IL1RAP: variants seen among roughly 807,000 people sequenced by gnomAD.
IL1RAP encodes interleukin-1 receptor accessory protein.
A neutral mutation model predicts 60.7 loss-of-function variants in IL1RAP; 35 were observed. The ratio of observed to expected loss-of-function variants is 0.58; its 90% confidence interval spans 0.44 to 0.76. The LOEUF (loss-of-function observed/expected upper bound fraction) is 0.76. Among genes scored for constraint, IL1RAP ranks in the 30% least tolerant of loss-of-function variants. The pLI, the probability that IL1RAP is intolerant of heterozygous loss-of-function variation, is 0.00. For synonymous variants in IL1RAP, 268 were observed against 250.9 expected, an observed-to-expected ratio of 1.07 and a Z score of -0.64; for missense variants, 572 against 693.9, an observed-to-expected ratio of 0.82 and a Z score of 1.97.
chr3:190,547,956 T>C (rs1242618502), intron 1 of IL1RAP, among the ~76,000 whole-genome samples: 1 of 152,112 alleles, frequency 6.6e-6, no homozygotes, highest in Admixed American at 6.6e-5. Flanking sequence ...CTCCGAGGCT[T>C]CTGGGCACCT....
intron 1 of IL1RAP, among the ~76,000 whole-genome samples, chr3:190,549,768 C>A (rs372032592): frequency 1.3e-5 from 2 of 152,242 alleles, no homozygotes; most frequent in East Asian, 3.9e-4. Flanking sequence ...CAGTTTGGAG[C>A]CTGCATCCAA....
At chr3:190,655,973 G>A (rs1186658580), downstream of IL1RAP, 4 of 1,537,106 alleles carry the variant, frequency 2.6e-6, no homozygotes, top group South Asian at 4.8e-5. Context: ...ACAGAAAAGA[G>A]CATCAGCATG....
intron 1 of IL1RAP, among the ~76,000 whole-genome samples, chr3:190,529,098 G>A (rs139326147): frequency 2.1e-3 from 315 of 152,308 alleles, no homozygotes; most frequent in African/African-American, 6.9e-3. Flanking sequence ...TGGATGTGAC[G>A]TGGAAAAGGA....
chr3:190,578,639 T>A (rs912627415), intron 3 of IL1RAP, among the ~76,000 whole-genome samples: 1 of 152,230 alleles, frequency 6.6e-6, no homozygotes, highest in Non-Finnish European at 1.5e-5. Flanking sequence ...AGTCTACTAA[T>A]ATTGGATACT....
In IL1RAP at chr3:190,649,931, A is replaced by G; in HGVS notation, c.*1226A>G. The G allele has an allele frequency of 1.1e-6, 1 of 902,944 alleles. No homozygotes were observed. The highest frequency in any genetic ancestry group is 1.3e-6 in the Non-Finnish European group (1 of 754,922). The allele number at this position is 902,944 out of a possible 1,614,324, so 55.9% of individuals were successfully genotyped here. A position where few individuals can be genotyped will look rare whatever the true frequency, so the allele number is the denominator to read the frequency against. ...TGGTAAATATCTATGTTACATGTAG[A>G]TTATACATATATATACACACGTGTA... On this transcript the variant is annotated 3_prime_UTR_variant, in exon 12 of 12. Coordinates refer to ENST00000447382, the MANE Select transcript of IL1RAP (RefSeq NM_002182.4).
intron 3 of IL1RAP, 91 bp from the exon 4 acceptor site, chr3:190,604,037 A>G: frequency 7.8e-7 from 1 of 1,286,404 alleles, no homozygotes; most frequent in Non-Finnish European, 1.1e-6. Context: ...TCTGGAAAAG[A>G]CCGGGTGAAC....
rs537725711 is a variant in IL1RAP at position 190,628,474 on chromosome 3, T to A, written c.903-876T>A. Reference sequence around the variant, plus strand: ...ATCAGAGCCCTTAACCAAATTCTCATACCTGACAGTAAGCCTAGTTAAAAA... The same window carrying A: ...ATCAGAGCCCTTAACCAAATTCTCAAACCTGACAGTAAGCCTAGTTAAAAA... On this transcript the variant is annotated intron_variant, in intron 8 of 11. Transcript: ENST00000447382. Among the ~76,000 whole-genome samples the A allele has an allele frequency of 2.0e-5, 3 of 152,282 alleles. No individual in the cohort carries two copies. In the East Asian group the frequency reaches 5.8e-4, roughly 29 times the overall value.
chr3:190,522,436 T>C (rs13088290), intron 1 of IL1RAP, among the ~76,000 whole-genome samples: 42,792 of 147,426 alleles, frequency 0.29, 7,578 homozygotes, highest in Non-Finnish European at 0.39. Flanking sequence ...TCTATCTATC[T>C]ATCTATCTAT....
chr3:190,536,863 A>G (rs958355244), intron 1 of IL1RAP, among the ~76,000 whole-genome samples: 58 of 152,294 alleles, frequency 3.8e-4, no homozygotes, highest in African/African-American at 1.3e-3. Context: ...TCTTTTATAT[A>G]CACATATGAT....
chr3:190,568,623 A>G (rs954527572), intron 3 of IL1RAP, among the ~76,000 whole-genome samples: 6 of 152,190 alleles, frequency 3.9e-5, no homozygotes, highest in South Asian at 2.1e-4. Context: ...GTTTGATGAC[A>G]GTAAAGGGGT....
chr3:190,551,043 C>T (rs1724816142), intron 1 of IL1RAP, among the ~76,000 whole-genome samples: 1 of 152,226 alleles, frequency 6.6e-6, no homozygotes, highest in Non-Finnish European at 1.5e-5. Context: ...AAAGCTGAGC[C>T]TAACCATGGG....
intron 3 of IL1RAP, among the ~76,000 whole-genome samples, chr3:190,572,481 G>A (rs1242544070): frequency 6.6e-6 from 1 of 151,992 alleles, no homozygotes; most frequent in African/African-American, 2.4e-5. Context: ...AAGAGAGATA[G>A]TAGGAAAAAG....
exon 12 of IL1RAP, chr3:190,656,526 A>C: frequency 2.0e-6 from 3 of 1,537,110 alleles, no homozygotes; most frequent in Non-Finnish European, 1.7e-6. Flanking sequence ...CCAGATTGGA[A>C]CCCCCTGCTC....
intron 9 of IL1RAP, among the ~76,000 whole-genome samples, chr3:190,639,721 A>G (rs1013771459): frequency 6.6e-6 from 1 of 152,180 alleles, no homozygotes; most frequent in African/African-American, 2.4e-5. Flanking sequence ...ATTTCGTAAG[A>G]CAGTGTTAAA....
At position 190,651,126 on chromosome 3, in the gene IL1RAP, G is replaced by A. The variant is rs1306800514; in HGVS notation, c.*2421G>A. 7 of 984,604 alleles carry A rather than the reference G, an allele frequency of 7.1e-6. No homozygotes were observed. The highest frequency in any genetic ancestry group is 8.4e-6 in the Non-Finnish European group (7 of 829,590). The allele number at this position is 984,604 out of a possible 1,614,324, so 61.0% of individuals were successfully genotyped here. On this transcript the variant is annotated 3_prime_UTR_variant, in exon 12 of 12. Coordinates refer to ENST00000447382, the MANE Select transcript of IL1RAP (RefSeq NM_002182.4). ...ATAGAGAACATTCAAGGGAAATGGG[G>A]AAACATAATTTAGAGAACAAGAACA...
At position 190,648,818 on chromosome 3, in the gene IL1RAP, C is replaced by A; in HGVS notation, c.*113C>A. ...AGGCAAAAATAATGGTCTAAGCCTC[C>A]CAATAGGGATAAATTTAGGGTGACT... On this transcript the variant is annotated 3_prime_UTR_variant, in exon 12 of 12. Coordinates refer to ENST00000447382, the MANE Select transcript of IL1RAP (RefSeq NM_002182.4). 6.9e-7 allele frequency: 1 copy of A among 1,455,010 alleles called. No homozygotes were observed. The highest frequency in any genetic ancestry group is 9.1e-7 in the Non-Finnish European group (1 of 1,104,156). 90.1% of individuals were successfully genotyped at this position (1,455,010 alleles called of 1,614,324 possible).
Position 190,623,914 on chromosome 3 carries a change from T to C in IL1RAP, c.775+499T>C, listed in dbSNP as rs559561464. 2.8e-3 allele frequency among the ~76,000 whole-genome samples: 431 copies of C among 152,316 alleles called. 3 individuals carry two copies. The highest frequency in any genetic ancestry group is 9.3e-3 in the African/African-American group (387 of 41,572). On this transcript the variant is annotated intron_variant, in intron 7 of 11. Coordinates refer to ENST00000447382, the MANE Select transcript of IL1RAP (RefSeq NM_002182.4). ...TTCTTTTAGTTTCCATAATTTTTCA[T>C]TATAGCCAAAAATCATTGATAACTG...
chr3:190,631,303 A>C (rs1328366922), intron 9 of IL1RAP, among the ~76,000 whole-genome samples: 1 of 152,236 alleles, frequency 6.6e-6, no homozygotes, highest in African/African-American at 2.4e-5. Flanking sequence ...AATCAAAGCA[A>C]GGTGTAATGT....
At chr3:190,529,056 C>T (rs561583381) in intron 1 of IL1RAP, among the ~76,000 whole-genome samples, 4 of 152,296 alleles carry the variant, frequency 2.6e-5, no homozygotes, top group Admixed American at 1.3e-4. Context: ...GTTGCCTCTG[C>T]CTGTGGCAGG....
Sources: gnomAD v4.1 joint callset for allele counts (sites outside exome capture counted in the v4.1 genomes callset) on GRCh38, gnomAD v4.1.1 for gene constraint, MANE v1.5 for transcripts, NCBI Gene and HGNC (gene_info 2026-07-23, HGNC 2026-07-21) for gene names.